FBXL17: variants seen among roughly 807,000 people sequenced by gnomAD.
The protein encoded by FBXL17 is F-box/LRR-repeat protein 17.
In FBXL17, 22 loss-of-function variants were observed where a neutral mutation model predicts 66.2. The observed-to-expected ratio is 0.33, with a 90% CI of 0.24 to 0.47. The LOEUF is 0.47. Among genes scored for constraint, FBXL17 ranks in the 20% least tolerant of loss-of-function variants. The probability of loss-of-function intolerance (pLI) is 1.00; values close to 1 mark genes in which losing one functional copy is unlikely to be tolerated. For synonymous variants in FBXL17, 474 were observed against 400.5 expected (o/e 1.18, Z -2.19); for missense variants, 878 against 948.2 (o/e 0.93, Z 0.97).
intron 7 of FBXL17, among the ~76,000 whole-genome samples, chr5:107,998,200 T>C (rs1188207679): frequency 6.6e-6 from 1 of 152,212 alleles, no homozygotes; most frequent in Non-Finnish European, 1.5e-5. Context: ...TTAAAATAAA[T>C]TTCACCAGTT....
At chr5:108,014,519 G>C (rs534333999) in intron 7 of FBXL17, among the ~76,000 whole-genome samples, 1 of 152,138 alleles carries the variant, frequency 6.6e-6, no homozygotes, top group Non-Finnish European at 1.5e-5. Flanking sequence ...CCTCTCAATA[G>C]ATTTGACATT....
chr5:108,315,877 A>C (rs566241731), intron 4 of FBXL17, among the ~76,000 whole-genome samples: 44 of 151,690 alleles, frequency 2.9e-4, no homozygotes, highest in Non-Finnish European at 5.6e-4. Context: ...GATAATGTTA[A>C]GAAAAATCAT....
At chr5:108,222,640 C>G (rs1017365673) in intron 5 of FBXL17, among the ~76,000 whole-genome samples, 5 of 147,024 alleles carry the variant, frequency 3.4e-5, no homozygotes, top group African/African-American at 5.0e-5. Context: ...AAACTTCGTA[C>G]TAATTTTCTA....
At chr5:108,273,915 T>C (rs1367747091) in intron 4 of FBXL17, among the ~76,000 whole-genome samples, 1 of 152,016 alleles carries the variant, frequency 6.6e-6, no homozygotes. Flanking sequence ...TAAAAAGTAG[T>C]AAAAACTATT....
At chr5:108,101,666 A>G (rs369188659) in intron 6 of FBXL17, among the ~76,000 whole-genome samples, 50 of 152,378 alleles carry the variant, frequency 3.3e-4, no homozygotes, top group Middle Eastern at 3.4e-3. Context: ...ATTTTAAAAT[A>G]TACTTTGTGA....
intron 7 of FBXL17, among the ~76,000 whole-genome samples, chr5:107,978,358 G>T (rs1752666732): frequency 6.6e-6 from 1 of 152,150 alleles, no homozygotes; most frequent in Non-Finnish European, 1.5e-5. Flanking sequence ...GGCTGAAACT[G>T]CCTTTGTAAA....
At chr5:108,158,576 G>A (rs13174635) in intron 6 of FBXL17, among the ~76,000 whole-genome samples, 45,899 of 151,534 alleles carry the variant, frequency 0.3, 8,195 homozygotes, top group Admixed American at 0.4. Flanking sequence ...CAGGGTGAGG[G>A]GAGGTAGAGG....
At position 108,381,005 on chromosome 5, in the gene FBXL17, CCCGCCACCGCCGCCGCCGCCG is replaced by C; in HGVS notation, c.666_686del (p.Gly225_Gly231del). On this transcript the variant is annotated inframe_deletion, in exon 1 of 9. Transcript: ENST00000542267. ...AAGCGCCTCCCCCCGCAGGCCCTCC[CCCGCCACCGCCGCCGCCGCCG>C]CCGCCGCAGCCCCCGCCGCCGCAGC... is the stretch of plus-strand genomic sequence containing the variant. 8.4e-7 allele frequency: 1 copy of C among 1,193,172 alleles called. No individual in the cohort carries two copies. The highest frequency in any genetic ancestry group is 1.0e-6 in the Non-Finnish European group (1 of 963,290). 73.9% of individuals were successfully genotyped at this position (1,193,172 alleles called of 1,614,324 possible).
intron 6 of FBXL17, among the ~76,000 whole-genome samples, chr5:108,174,021 G>A (rs1561447139): frequency 6.6e-6 from 1 of 152,176 alleles, no homozygotes; most frequent in Non-Finnish European, 1.5e-5. Context: ...GAAGCCATAT[G>A]AGAAGCCAAA....
chr5:108,082,629 A>T (rs1401233645), intron 6 of FBXL17, among the ~76,000 whole-genome samples: 2 of 66,810 alleles, frequency 3.0e-5, no homozygotes, highest in African/African-American at 9.2e-5. Context: ...TTATAACTGC[A>T]AAGTGTGGTA....
intron 7 of FBXL17, among the ~76,000 whole-genome samples, chr5:107,973,746 C>T (rs73204759): frequency 0.12 from 18,196 of 151,400 alleles, 1,352 homozygotes; most frequent in East Asian, 0.2. Context: ...TAATGAAAAA[C>T]GCAGAATGGA....
chr5:108,321,964 T>C (rs1580812951), intron 4 of FBXL17, among the ~76,000 whole-genome samples: 1 of 151,824 alleles, frequency 6.6e-6, no homozygotes, highest in African/African-American at 2.4e-5. Context: ...AACAGATTCA[T>C]AATAAGAGAA....
chr5:108,127,090 GT>G (rs1343921123), intron 6 of FBXL17, among the ~76,000 whole-genome samples: 1 of 152,056 alleles, frequency 6.6e-6, no homozygotes, highest in Non-Finnish European at 1.5e-5. Flanking sequence ...TGTATGTTTT[GT>G]TTTTTAGTTT....
At chr5:108,121,034 A>T (rs1369295513) in intron 6 of FBXL17, among the ~76,000 whole-genome samples, 1 of 152,244 alleles carries the variant, frequency 6.6e-6, no homozygotes, top group Non-Finnish European at 1.5e-5. Flanking sequence ...CTATACCGTT[A>T]AGAAAATCTT....
At chr5:107,965,889 A>C (rs1164087692) in intron 7 of FBXL17, among the ~76,000 whole-genome samples, 1 of 152,152 alleles carries the variant, frequency 6.6e-6, no homozygotes, top group Non-Finnish European at 1.5e-5. Flanking sequence ...CACTTCTTAC[A>C]AATAGCTATT....
chr5:108,154,509 G>C (rs1240196920), intron 6 of FBXL17, among the ~76,000 whole-genome samples: 1 of 147,986 alleles, frequency 6.8e-6, no homozygotes, highest in Non-Finnish European at 1.5e-5. Context: ...AGAATTGCTG[G>C]AACCTGGGAG....
intron 4 of FBXL17, among the ~76,000 whole-genome samples, chr5:108,279,144 T>C (rs778675871): frequency 1.3e-5 from 2 of 152,098 alleles, no homozygotes; most frequent in Non-Finnish European, 2.9e-5. Context: ...CCATCAACAA[T>C]GCCATGTCAG....
At chr5:107,951,744 T>A (rs907197606) in intron 7 of FBXL17, among the ~76,000 whole-genome samples, 1 of 152,220 alleles carries the variant, frequency 6.6e-6, no homozygotes. Context: ...TGAAAACAAG[T>A]TGTTGTGAGG....
intron 6 of FBXL17, among the ~76,000 whole-genome samples, chr5:108,092,605 T>C (rs570881752): frequency 5.9e-5 from 9 of 152,300 alleles, no homozygotes; most frequent in African/African-American, 2.2e-4. Context: ...GTTGAGCCAC[T>C]GTGCCTGGCA....
Sources: gnomAD v4.1 joint callset for allele counts (sites outside exome capture counted in the v4.1 genomes callset) on GRCh38, gnomAD v4.1.1 for gene constraint, MANE v1.5 for transcripts, NCBI Gene and HGNC (gene_info 2026-07-23, HGNC 2026-07-21) for gene names.